NAALADL2: variants seen among roughly 807,000 people sequenced by gnomAD.
NAALADL2 encodes the protein inactive N-acetylated-alpha-linked acidic dipeptidase-like protein 2.
A neutral mutation model predicts 87.2 loss-of-function variants in NAALADL2; 76 were observed. The ratio of observed to expected loss-of-function variants is 0.87; its 90% CI spans 0.72 to 1.05. NAALADL2 has a LOEUF of 1.05. NAALADL2 is among the 50% of genes least tolerant of loss of function. NAALADL2 has a pLI of 0.00. For missense variants in NAALADL2, 1,089 were observed against 945.8 expected (o/e 1.15, Z -1.99); for synonymous variants, 354 against 331.0 (o/e 1.07, Z -0.75).
intron 3 of NAALADL2, among the ~76,000 whole-genome samples, chr3:174,749,956 C>A (rs1405298798): frequency 1.3e-5 from 2 of 152,176 alleles, no homozygotes; most frequent in African/African-American, 4.8e-5. Context: ...TAAAATTCTT[C>A]TTTATTTTTC....
At chr3:175,623,479 A>G (rs1208948501) in intron 10 of NAALADL2, among the ~76,000 whole-genome samples, 1 of 152,080 alleles carries the variant, frequency 6.6e-6, no homozygotes, top group Non-Finnish European at 1.5e-5. Context: ...TAGTTGTTGG[A>G]TCTTAAAGTG....
At chr3:174,583,088 C>T (rs1716346990) in intron 2 of NAALADL2, among the ~76,000 whole-genome samples, 1 of 152,232 alleles carries the variant, frequency 6.6e-6, no homozygotes, top group East Asian at 1.9e-4. Flanking sequence ...GTCAATGAAA[C>T]AGAATAACTT....
chr3:174,882,506 T>C (rs1045156110), intron 1 of NAALADL2, among the ~76,000 whole-genome samples: 11 of 150,440 alleles, frequency 7.3e-5, no homozygotes, highest in Middle Eastern at 3.6e-3. Context: ...CATATATGTG[T>C]ATATACATAT....
chr3:175,421,639 A>G (rs1715714748), intron 5 of NAALADL2, among the ~76,000 whole-genome samples: 1 of 152,120 alleles, frequency 6.6e-6, no homozygotes, highest in Non-Finnish European at 1.5e-5. Flanking sequence ...AAACATTCAA[A>G]GTAACTTTGG....
intron 5 of NAALADL2, among the ~76,000 whole-genome samples, chr3:175,441,816 A>G (rs1719817147): frequency 6.6e-6 from 1 of 152,068 alleles, no homozygotes; most frequent in South Asian, 2.1e-4. Flanking sequence ...TTTAACCAGC[A>G]CATTTTTATC....
intron 2 of NAALADL2, among the ~76,000 whole-genome samples, chr3:175,229,113 A>C (rs1290500640): frequency 6.6e-6 from 1 of 151,938 alleles, no homozygotes; most frequent in African/African-American, 2.4e-5. Flanking sequence ...AATGGAAGGA[A>C]CATCTTTAAC....
chr3:175,669,982 G>A (rs1733719027), intron 11 of NAALADL2, among the ~76,000 whole-genome samples: 1 of 151,910 alleles, frequency 6.6e-6, no homozygotes, highest in Non-Finnish European at 1.5e-5. Flanking sequence ...TTCAAAATCA[G>A]TAATATAAAA....
chr3:175,605,640 G>GTTTTTTTTTTTTT (rs751433758), intron 10 of NAALADL2, among the ~76,000 whole-genome samples: 1 of 36,678 alleles, frequency 2.7e-5, no homozygotes, highest in Non-Finnish European at 6.4e-5. Context: ...TATATTGCTT[G>GTTTTTTTTTTTTT]TTTTTTTTTT....
intron 2 of NAALADL2, among the ~76,000 whole-genome samples, chr3:175,127,509 A>C (rs371478155): frequency 6.6e-6 from 1 of 152,184 alleles, no homozygotes; most frequent in Non-Finnish European, 1.5e-5. Context: ...GACTTTTCCA[A>C]TTATGATGTT....
intron 3 of NAALADL2, among the ~76,000 whole-genome samples, chr3:174,781,612 A>T (rs1715988402): frequency 1.3e-5 from 2 of 152,024 alleles, no homozygotes; most frequent in African/African-American, 2.4e-5. Context: ...TTTTAGAAGG[A>T]TGGATAGTGA....
intron 4 of NAALADL2, among the ~76,000 whole-genome samples, chr3:175,316,765 C>A (rs79545179): frequency 3.9e-5 from 6 of 152,262 alleles, no homozygotes; most frequent in Non-Finnish European, 7.4e-5. Context: ...TTTTAGACAA[C>A]CCCAACCTCA....
chr3:174,538,567 A>T (rs146012601), intron 1 of NAALADL2, among the ~76,000 whole-genome samples: 10 of 152,280 alleles, frequency 6.6e-5, no homozygotes, highest in Admixed American at 3.3e-4. Flanking sequence ...AGGAAAAAAG[A>T]CCTTCCCTTT....
intron 1 of NAALADL2, among the ~76,000 whole-genome samples, chr3:175,061,749 A>G (rs1485873038): frequency 4.7e-5 from 7 of 147,568 alleles, no homozygotes; most frequent in Admixed American, 4.7e-4. Context: ...ATATATATAT[A>G]TATAGTTTTA....
chr3:174,747,980 C>T (rs181343549), intron 3 of NAALADL2, among the ~76,000 whole-genome samples: 28 of 152,138 alleles, frequency 1.8e-4, no homozygotes, highest in Middle Eastern at 3.4e-3. Context: ...ACTATGCAGC[C>T]GTAAAAGGGA....
intron 11 of NAALADL2, among the ~76,000 whole-genome samples, chr3:175,659,916 C>T (rs1339942150): frequency 6.6e-6 from 1 of 152,110 alleles, no homozygotes; most frequent in Non-Finnish European, 1.5e-5. Flanking sequence ...TCTGTTCAGG[C>T]TGCTATAAGA....
At chr3:174,864,191 A>C in intron 1 of NAALADL2, 2 of 366,182 alleles carry the variant, frequency 5.5e-6, no homozygotes, top group Non-Finnish European at 1.1e-5. Context: ...CAGGCAAAAG[A>C]GATTAGGAAA....
intron 5 of NAALADL2, among the ~76,000 whole-genome samples, chr3:175,327,148 C>CTCTTTTTTTTT (rs1760811308): frequency 1.0e-5 from 1 of 99,512 alleles, no homozygotes; most frequent in African/African-American, 4.2e-5. Context: ...GTCTACATTT[C>CTCTTTTTTTTT]TTTTTTTTTT....
intron 2 of NAALADL2, among the ~76,000 whole-genome samples, chr3:174,611,735 T>A (rs1399876010): frequency 1.3e-5 from 2 of 151,604 alleles, no homozygotes; most frequent in East Asian, 3.9e-4. Flanking sequence ...GGATTACAGG[T>A]GCATGCCGCC....
chr3:175,707,661 C>G (rs6784051), intron 11 of NAALADL2, among the ~76,000 whole-genome samples: 1 of 151,764 alleles, frequency 6.6e-6, no homozygotes. Flanking sequence ...GGGAGAAATA[C>G]GTTTATAGAG....
Sources: gnomAD v4.1 joint callset for allele counts (sites outside exome capture counted in the v4.1 genomes callset) on GRCh38, gnomAD v4.1.1 for gene constraint, MANE v1.5 for transcripts, NCBI Gene and HGNC (gene_info 2026-07-23, HGNC 2026-07-21) for gene names.